The following MICAL2 variants were observed in gnomAD, a reference collection of about 807,000 sequenced individuals.
MICAL2 encodes the protein microtubule associated monooxygenase, calponin and LIM domain containing 2.
Under a neutral mutation model 127.3 loss-of-function variants are expected in MICAL2, and 77 were observed. That is an observed-to-expected ratio of 0.60 (90% confidence interval 0.50 to 0.73). The LOEUF (loss-of-function observed/expected upper bound fraction) is 0.73. Ranked by LOEUF, MICAL2 falls within the 30% of genes least tolerant of loss-of-function variation. The pLI is 0.00. For missense variants in MICAL2, 1,351 were observed against 1,434.4 expected (o/e 0.94, Z 0.94); for synonymous variants, 570 against 551.1 (o/e 1.03, Z -0.48).
chr11:12,154,326 C>T (rs941877165), intron 2 of MICAL2, among the ~76,000 whole-genome samples: 5 of 152,114 alleles, frequency 3.3e-5, no homozygotes, highest in African/African-American at 1.2e-4. Flanking sequence ...TCCACCAAGA[C>T]CTGAGCGCTT....
At chr11:12,119,746 G>C (rs1459176132) in intron 1 of MICAL2, among the ~76,000 whole-genome samples, 1 of 152,202 alleles carries the variant, frequency 6.6e-6, no homozygotes, top group Non-Finnish European at 1.5e-5. Flanking sequence ...TGACCTCCCA[G>C]GAGGGAGGAG....
rs1857062615 is a variant in MICAL2, at chr11:12,223,476, G to A, written c.1515G>A (p.Arg505=). ...HYPLERLGSV[R]RSVNLSRKES... ...CTCTCGAGAGACTGGGCTCGGTGAGGAGATCTGTCAACCTCTCCAGGAAGG... is the reference window on the plus strand; with the variant it reads ...CTCTCGAGAGACTGGGCTCGGTGAGAAGATCTGTCAACCTCTCCAGGAAGG... Residue 505 remains arginine, a synonymous_variant, in exon 12 of 28, where the codon AGG becomes AGA. Transcript: ENST00000683283. 28 of 1,613,942 alleles carry A rather than the reference G, an allele frequency of 1.7e-5. No homozygotes were observed. The highest frequency in any genetic ancestry group is 2.4e-5 in the Non-Finnish European group (28 of 1,180,014).
At chr11:12,210,892 T>G (rs747237405) in intron 6 of MICAL2, among the ~76,000 whole-genome samples, 19 of 152,226 alleles carry the variant, frequency 1.2e-4, no homozygotes, top group Admixed American at 5.9e-4. Flanking sequence ...GCAGCATCCC[T>G]GGCCTCTGGC....
intron 3 of MICAL2, among the ~76,000 whole-genome samples, chr11:12,202,358 A>T (rs1462972244): frequency 6.6e-6 from 1 of 152,188 alleles, no homozygotes; most frequent in Non-Finnish European, 1.5e-5. Context: ...TTTGAATCCC[A>T]GCTCTCCCCC....
chr11:12,139,265 C>T (rs1358030761), intron 2 of MICAL2, among the ~76,000 whole-genome samples: 1 of 152,148 alleles, frequency 6.6e-6, no homozygotes, highest in African/African-American at 2.4e-5. Context: ...CATTTTGGGA[C>T]CATATATCTG....
At chr11:12,349,567 G>A (rs563124821) in intron 32 of MICAL2, among the ~76,000 whole-genome samples, 1 of 152,278 alleles carries the variant, frequency 6.6e-6, no homozygotes, top group South Asian at 2.1e-4. Flanking sequence ...GTCGTTTGTG[G>A]TGGGATGTTA....
intron 31 of MICAL2, among the ~76,000 whole-genome samples, chr11:12,325,923 G>T (rs191978776): frequency 1.6e-4 from 25 of 152,326 alleles, no homozygotes; most frequent in Non-Finnish European, 3.4e-4. Flanking sequence ...AGCAAGAGAT[G>T]GATTTATAAA....
chr11:12,253,649 G>A (rs1200286520), intron 22 of MICAL2: 3 of 152,216 alleles, frequency 2.0e-5, no homozygotes, highest in Non-Finnish European at 4.4e-5. Context: ...TTGCAAATTA[G>A]TTAAACCCGA....
intron 12 of MICAL2, among the ~76,000 whole-genome samples, chr11:12,223,824 C>G (rs183487221): frequency 1.3e-5 from 2 of 152,292 alleles, no homozygotes; most frequent in Non-Finnish European, 2.9e-5. Flanking sequence ...GGCCTTGTCC[C>G]CTTAAGTAGA....
intron 1 of MICAL2, among the ~76,000 whole-genome samples, chr11:12,134,018 T>C (rs1246281014): frequency 6.6e-6 from 1 of 152,158 alleles, no homozygotes; most frequent in Non-Finnish European, 1.5e-5. Flanking sequence ...GGAGGTGGTG[T>C]GCATGGGGTG....
chr11:12,240,987 T>A lies in MICAL2; in HGVS notation c.2215-53T>A, dbSNP rs554651377. The A allele has an allele frequency of 6.3e-6, 10 of 1,599,956 alleles. No individual in the cohort carries two copies. The South Asian group carries it at 6.8e-5, about 11-fold the overall frequency. ...CCAAGCCTCTCAATCTGACTCACCTTTTCCTTCATGTCTCCTGTGGCTGCT... is the reference window on the plus strand; with the variant it reads ...CCAAGCCTCTCAATCTGACTCACCTATTCCTTCATGTCTCCTGTGGCTGCT... On this transcript the variant is annotated intron_variant, in intron 17 of 27. Transcript: ENST00000683283.
In MICAL2 at chr11:12,262,059, C is replaced by T. The variant is rs141448888; in HGVS notation, c.3335-421C>T. 1.4e-3 allele frequency: 1,450 copies of T among 1,068,942 alleles called. 14 individuals are homozygous for T. In the African/African-American group the frequency reaches 0.015, roughly 11 times the overall value. The allele number at this position is 1,068,942 out of a possible 1,614,324, so 66.2% of individuals were successfully genotyped here. On this transcript the variant is annotated intron_variant, in intron 26 of 27. Transcript: ENST00000683283. Reference sequence around the variant, plus strand: ...AGGAGACTGGTTTGAATTACTGTGGCGAGACAGGGCGTGCCTGTCAGAAAT... The same window carrying T: ...AGGAGACTGGTTTGAATTACTGTGGTGAGACAGGGCGTGCCTGTCAGAAAT...
At chr11:12,340,311 A>G (rs1938842118) in intron 32 of MICAL2, among the ~76,000 whole-genome samples, 1 of 152,258 alleles carries the variant, frequency 6.6e-6, no homozygotes, top group East Asian at 1.9e-4. Flanking sequence ...ACAGGAAAAT[A>G]CAAATAATTC....
intron 29 of MICAL2, among the ~76,000 whole-genome samples, chr11:12,298,714 A>G (rs1864013987): frequency 6.6e-6 from 1 of 152,064 alleles, no homozygotes; most frequent in Admixed American, 6.6e-5. Flanking sequence ...TGGATGTTGA[A>G]TTTCATCAAA....
At chr11:12,171,461 A>G (rs1856244646) in intron 3 of MICAL2, among the ~76,000 whole-genome samples, 1 of 152,186 alleles carries the variant, frequency 6.6e-6, no homozygotes, top group African/African-American at 2.4e-5. Context: ...AATTAAAAAT[A>G]TCTTGGCAAT....
At chr11:12,335,116 T>C (rs1377012799) in intron 32 of MICAL2, among the ~76,000 whole-genome samples, 2 of 147,020 alleles carry the variant, frequency 1.4e-5, no homozygotes, top group African/African-American at 5.2e-5. Context: ...CAGCACCTGT[T>C]TTTTCCTGAT....
intron 22 of MICAL2, 121 bp from the exon 23 acceptor site, chr11:12,255,522 G>C (rs535344894): frequency 1.1e-5 from 9 of 796,286 alleles, no homozygotes; most frequent in African/African-American, 1.0e-4. Context: ...CCTGGGTCGT[G>C]GGGTGCTATT....
chr11:12,181,791 C>T (rs571890756), intron 3 of MICAL2, among the ~76,000 whole-genome samples: 1 of 152,242 alleles, frequency 6.6e-6, no homozygotes, highest in South Asian at 2.1e-4. Context: ...GAAAAGTTGA[C>T]AACTGTCCCC....
intron 2 of MICAL2, among the ~76,000 whole-genome samples, chr11:12,148,778 A>G (rs10831742): frequency 0.26 from 40,072 of 152,056 alleles, 7,181 homozygotes; most frequent in East Asian, 0.61. Flanking sequence ...GTGCAAAACC[A>G]TCATACAAAC....
Sources: gnomAD v4.1 joint callset for allele counts (sites outside exome capture counted in the v4.1 genomes callset) on GRCh38, gnomAD v4.1.1 for gene constraint, MANE v1.5 for transcripts, NCBI Gene and HGNC (gene_info 2026-07-23, HGNC 2026-07-21) for gene names.